Variants in PPDPFL observed in about 807,000 individuals in gnomAD.
PPDPFL encodes pancreatic progenitor cell differentiation and proliferation factor like.
Under a neutral mutation model 12.6 loss-of-function variants are expected in PPDPFL, and 12 were observed. The ratio of observed to expected loss-of-function variants is 0.95; its 90% CI spans 0.61 to 1.54. The LOEUF (loss-of-function observed/expected upper bound fraction) is 1.54. Among genes scored for constraint, PPDPFL ranks in the 40% most tolerant of loss-of-function variants. The pLI, the probability that PPDPFL is intolerant of heterozygous loss-of-function variation, is 0.00. For synonymous variants in PPDPFL, 24 were observed against 32.7 expected, an observed-to-expected ratio of 0.73 and a Z score of 0.91; for missense variants, 114 against 96.0, an observed-to-expected ratio of 1.19 and a Z score of -0.78.
chr8:49,061,963 C>T (rs1429811843), intron 1 of PPDPFL, among the ~76,000 whole-genome samples: 2 of 152,304 alleles, frequency 1.3e-5, no homozygotes, highest in East Asian at 1.9e-4. Context: ...CCAACTCCTT[C>T]GTTTTAAAAT....
At chr8:49,062,691 A>G (rs1475857018) in intron 1 of PPDPFL, among the ~76,000 whole-genome samples, 3 of 152,184 alleles carry the variant, frequency 2.0e-5, no homozygotes, top group Non-Finnish European at 4.4e-5. Context: ...CATGAGTGGT[A>G]AGGTCAGAAT....
At chr8:49,061,636 C>T (rs1295861218) in intron 1 of PPDPFL, among the ~76,000 whole-genome samples, 1 of 152,194 alleles carries the variant, frequency 6.6e-6, no homozygotes, top group Admixed American at 6.5e-5. Flanking sequence ...CTGACTGGTG[C>T]TGGGTGTTGC....
intron 1 of PPDPFL, among the ~76,000 whole-genome samples, chr8:49,066,781 G>A (rs1808307588): frequency 6.6e-6 from 1 of 152,164 alleles, no homozygotes; most frequent in Non-Finnish European, 1.5e-5. Flanking sequence ...CTTTTTAGAG[G>A]CTGTCTAGAA....
intron 4 of PPDPFL, 123 bp from the exon 5 acceptor site, chr8:49,075,029 G>T (rs1808468106): frequency 6.8e-7 from 1 of 1,462,996 alleles, no homozygotes; most frequent in Non-Finnish European, 9.2e-7. Context: ...AAAAGCCAAT[G>T]CAAGATTGAT....
At chr8:49,055,639 A>G (rs1435560387) in intron 1 of PPDPFL, among the ~76,000 whole-genome samples, 1 of 152,094 alleles carries the variant, frequency 6.6e-6, no homozygotes, top group East Asian at 1.9e-4. Flanking sequence ...TTGCATCTCC[A>G]TCTACAGCTC....
chr8:49,073,118 A>G (rs547658780), intron 2 of PPDPFL, among the ~76,000 whole-genome samples: 82 of 152,346 alleles, frequency 5.4e-4, no homozygotes, highest in African/African-American at 1.8e-3. Flanking sequence ...ATCAGTGAAC[A>G]TCGGCTTATG....
chr8:49,072,359 G>C lies in PPDPFL; in HGVS notation c.-168G>C, dbSNP rs1266933566. The C allele has an allele frequency of 6.5e-6, 1 of 153,480 alleles. No individual in the cohort carries two copies. The highest frequency in any genetic ancestry group is 1.4e-5 in the Non-Finnish European group (1 of 69,018). The allele number at this position is 153,480 out of a possible 1,614,324, so 9.5% of individuals were successfully genotyped here. On this transcript the variant is annotated 5_prime_UTR_variant, in exon 1 of 5. Coordinates refer to ENST00000522267, the MANE Select transcript of PPDPFL (RefSeq NM_001256597.2). ...GTCTCCCATCACGGACCTACCACTG[G>C]CCCTGCGTATGTGGTGCAGCCTCTC...
intron 1 of PPDPFL, among the ~76,000 whole-genome samples, chr8:49,064,882 C>T (rs1057506753): frequency 2.0e-5 from 3 of 152,070 alleles, no homozygotes; most frequent in African/African-American, 7.2e-5. Flanking sequence ...GAAAAGCAAT[C>T]AAAATTTAAA....
At chr8:49,059,219 AT>A (rs1184058176) in intron 1 of PPDPFL, among the ~76,000 whole-genome samples, 1 of 151,866 alleles carries the variant, frequency 6.6e-6, no homozygotes, top group African/African-American at 2.4e-5. Context: ...ATTCCGTGTG[AT>A]GTGGTGTGTT....
chr8:49,074,322 G>C lies in PPDPFL; in HGVS notation c.222G>C (p.Leu74=). The C allele has an allele frequency of 6.2e-7, 1 of 1,613,842 alleles. No individual in the cohort carries two copies. The highest frequency in any genetic ancestry group is 8.5e-7 in the Non-Finnish European group (1 of 1,179,738). Reference sequence around the variant, plus strand: ...TTTCAAATGTGAGAATAAAAGATCTGTCTGCTACTGGGTGAGTTTTAGCCT... The same window carrying C: ...TTTCAAATGTGAGAATAAAAGATCTCTCTGCTACTGGGTGAGTTTTAGCCT... ...PVLSNVRIKD[L]SATGLQMSTL is the part of the protein sequence containing the mutation. Residue 74 remains leucine (L), a synonymous_variant, in exon 4 of 5, where the codon CTG becomes CTC. Transcript: ENST00000522267.
rs1808265693 is a variant in PPDPFL at position 49,064,602 on chromosome 8, A to T, written c.-44-8185A>T. Among the ~76,000 whole-genome samples, 4 of 152,158 alleles carry T rather than the reference A, an allele frequency of 2.6e-5. No homozygotes were observed. In the South Asian group the frequency reaches 8.3e-4, roughly 32 times the overall value. On this transcript the variant is annotated intron_variant, in intron 1 of 4. Transcript: ENST00000517663. ...CGAGGCCCACTCACTTCAGTCCAGC[A>T]TCTCTCACTGCTCAGCCCTGCTTTC...
Position 49,061,092 on chromosome 8 carries a change from G to A in PPDPFL, c.-45+6723G>A, listed in dbSNP as rs62507214. 3.3e-5 allele frequency among the ~76,000 whole-genome samples: 5 copies of A among 152,178 alleles called. No homozygotes were observed. The East Asian group carries it at 9.7e-4, about 30-fold the overall frequency. ...AGTGTGGACCCTGTCATGGGTGACA[G>A]GTGGGGACCCATAGTCTTTGGCAAG... On this transcript the variant is annotated intron_variant, in intron 1 of 4. Transcript: ENST00000517663.
rs560863805 is a variant in PPDPFL, at chr8:49,075,156, C to G, written c.238C>G (p.Gln80Glu). 4 of 1,613,156 alleles carry G rather than the reference C, an allele frequency of 2.5e-6. No individual in the cohort carries two copies. The highest frequency in any genetic ancestry group is 1.1e-5 in the South Asian group (1 of 91,070). The change falls in exon 5 of 5, where the codon CAG (glutamine) becomes GAG (glutamate). Residue 80 changes from glutamine to glutamate, a missense_variant. Coordinates refer to ENST00000522267, the MANE Select transcript of PPDPFL (RefSeq NM_001256597.2). ...RIKDLSATGL[Q>E]MSTL ...ACTACTATAAAATCAACCCAGATTA[C>G]AGATGAGCACTTTGTAGCTGATCAT...
At chr8:49,068,371 A>T (rs771005937), upstream of PPDPFL, among the ~76,000 whole-genome samples, 1 of 152,198 alleles carries the variant, frequency 6.6e-6, no homozygotes, top group South Asian at 2.1e-4. Context: ...TGGGTGGAAG[A>T]GTACAGAGGA....
chr8:49,056,612 A>G (rs1035507111), intron 1 of PPDPFL, among the ~76,000 whole-genome samples: 4 of 152,200 alleles, frequency 2.6e-5, no homozygotes, highest in Admixed American at 6.5e-5. Context: ...ATGAGTTACT[A>G]CTATCTGTGC....
At chr8:49,063,951 C>T (rs1225621558) in intron 1 of PPDPFL, among the ~76,000 whole-genome samples, 1 of 152,148 alleles carries the variant, frequency 6.6e-6, no homozygotes, top group Admixed American at 6.5e-5. Flanking sequence ...GTACAAAATG[C>T]TACCCATTAA....
chr8:49,074,154 T>G lies in PPDPFL; in HGVS notation c.133+18T>G. ...ACAGCAAGGTACTTAGTTATTTCTT[T>G]CAGTGTCATCCTTATTATTTCTTTT... On this transcript the variant is annotated intron_variant, in intron 3 of 4. Transcript: ENST00000522267. 6.2e-7 allele frequency: 1 copy of G among 1,606,000 alleles called. No homozygotes were observed. The highest frequency in any genetic ancestry group is 8.5e-7 in the Non-Finnish European group (1 of 1,172,776).
upstream of PPDPFL, among the ~76,000 whole-genome samples, chr8:49,067,435 T>C (rs377632747): frequency 9.3e-4 from 142 of 152,342 alleles, 1 homozygote; most frequent in African/African-American, 3.3e-3. Context: ...AATCAGATAT[T>C]TTATAACCGC....
chr8:49,055,375 T>C lies in PPDPFL; in HGVS notation c.-45+1006T>C, dbSNP rs906828274. 2.3e-4 allele frequency among the ~76,000 whole-genome samples: 35 copies of C among 152,186 alleles called. No individual in the cohort carries two copies. In the Middle Eastern group the frequency reaches 0.01, roughly 44 times the overall value. On this transcript the variant is annotated intron_variant, in intron 1 of 4. Transcript: ENST00000517663. Reference sequence around the variant, plus strand: ...TTTTGCACCTTGGACACCACACTTATAATAATTTCTGCTACTGCACTACCT... The same window carrying C: ...TTTTGCACCTTGGACACCACACTTACAATAATTTCTGCTACTGCACTACCT...
Sources: gnomAD v4.1 joint callset for allele counts (sites outside exome capture counted in the v4.1 genomes callset) on GRCh38, gnomAD v4.1.1 for gene constraint, MANE v1.5 for transcripts, NCBI Gene and HGNC (gene_info 2026-07-23, HGNC 2026-07-21) for gene names.